The following AGFG1 variants were observed in gnomAD, a reference collection of about 807,000 sequenced individuals.
AGFG1 encodes the protein arf-GAP domain and FG repeat-containing protein 1.
AGFG1 carries 10 observed loss-of-function variants against 60.6 expected under a neutral mutation model. The observed-to-expected ratio is 0.16, with a 90% CI of 0.10 to 0.28. The LOEUF (loss-of-function observed/expected upper bound fraction) is 0.28, where lower values mean the gene tolerates loss of function less well. AGFG1 is among the 10% of genes least tolerant of loss of function. AGFG1 has a pLI of 1.00. For missense variants in AGFG1, 537 were observed against 676.5 expected (o/e 0.79, Z 2.29); for synonymous variants, 247 against 242.9 (o/e 1.02, Z -0.16).
At chr2:227,550,889 A>G (rs1692799080) in intron 10 of AGFG1, among the ~76,000 whole-genome samples, 1 of 152,218 alleles carries the variant, frequency 6.6e-6, no homozygotes, top group Non-Finnish European at 1.5e-5. Context: ...CATGCTAAGA[A>G]TATTTCATTA....
In AGFG1 at chr2:227,491,548, C is replaced by A; in HGVS notation, c.169C>A (p.Arg57=). 6.6e-7 allele frequency: 1 copy of A among 1,523,806 alleles called. No individual in the cohort carries two copies. The highest frequency in any genetic ancestry group is 2.4e-5 in the East Asian group (1 of 41,488). 94.4% of individuals were successfully genotyped at this position (1,523,806 alleles called of 1,614,324 possible). ...TTTGTAAAATATTTTATCTTTTAGG[C>A]GAGGATTAAATCCACCACACAGGGT... ...FVCTSCSGSL[R]GLNPPHRVKS... Residue 57 remains arginine, a splice_region_variant and synonymous_variant, in exon 2 of 13, where the codon CGA becomes AGA. Coordinates refer to ENST00000310078, the MANE Select transcript of AGFG1 (RefSeq NM_004504.5).
chr2:227,545,104 G>A (rs993704146), intron 10 of AGFG1, among the ~76,000 whole-genome samples: 1 of 152,136 alleles, frequency 6.6e-6, no homozygotes. Context: ...CCAATCAGAC[G>A]TAGATTTGGT....
At chr2:227,550,297 T>A (rs1406183367) in intron 10 of AGFG1, among the ~76,000 whole-genome samples, 1 of 152,240 alleles carries the variant, frequency 6.6e-6, no homozygotes, top group African/African-American at 2.4e-5. Context: ...TTTTAGTGAT[T>A]TATGTGTAAA....
At chr2:227,538,118 T>C (rs967425308) in intron 10 of AGFG1, among the ~76,000 whole-genome samples, 4 of 152,242 alleles carry the variant, frequency 2.6e-5, no homozygotes, top group South Asian at 2.1e-4. Context: ...GTGTGTGATA[T>C]GTGCAGTGTT....
At chr2:227,539,226 T>A (rs569167119) in intron 10 of AGFG1, among the ~76,000 whole-genome samples, 1 of 152,280 alleles carries the variant, frequency 6.6e-6, no homozygotes, top group East Asian at 1.9e-4. Flanking sequence ...GTGGATCACC[T>A]GAGGCCAAGA....
chr2:227,491,230 G>A (rs1487988377), intron 1 of AGFG1, among the ~76,000 whole-genome samples: 3 of 152,056 alleles, frequency 2.0e-5, no homozygotes, highest in East Asian at 1.9e-4. Context: ...TTCTTCATAT[G>A]TATAGTCTTT....
At chr2:227,475,864 A>G (rs1026010023) in intron 1 of AGFG1, among the ~76,000 whole-genome samples, 2 of 152,250 alleles carry the variant, frequency 1.3e-5, no homozygotes, top group Non-Finnish European at 2.9e-5. Flanking sequence ...AGTTACAAAT[A>G]TTGAAATAAG....
At chr2:227,523,727 AT>A (rs757531630) in intron 3 of AGFG1, 35 bp from the exon 4 acceptor site, 484 of 1,547,824 alleles carry the variant, frequency 3.1e-4, no homozygotes, top group South Asian at 6.4e-4. Context: ...AATTACCTAC[AT>A]TTTTTTTTAG....
intron 2 of AGFG1, among the ~76,000 whole-genome samples, chr2:227,492,812 GGT>G (rs1690858403): frequency 6.6e-6 from 1 of 152,002 alleles, no homozygotes; most frequent in Non-Finnish European, 1.5e-5. Context: ...TGGATGAAAA[GGT>G]AGGAGGCTTT....
chr2:227,520,573 G>A (rs1280696679), intron 3 of AGFG1, among the ~76,000 whole-genome samples: 1 of 152,112 alleles, frequency 6.6e-6, no homozygotes, highest in Non-Finnish European at 1.5e-5. Flanking sequence ...TAAGAAGGGA[G>A]CATTTACTTT....
At position 227,535,037 on chromosome 2, in the gene AGFG1, T is replaced by C. The variant is rs768852270; in HGVS notation, c.1205+12T>C. The stretch of plus-strand genomic sequence containing the variant: ...AGTAATGCTAGCAGGTACCTTGTCT[T>C]AGCTAGCCCTCCTGCTTTGTGTTTT... On this transcript the variant is annotated intron_variant, in intron 8 of 12. Transcript: ENST00000310078. 6.4e-7 allele frequency: 1 copy of C among 1,571,884 alleles called. No individual in the cohort carries two copies. The highest frequency in any genetic ancestry group is 1.2e-5 in the South Asian group (1 of 85,076).
At chr2:227,475,344 A>G (rs1210042393) in intron 1 of AGFG1, among the ~76,000 whole-genome samples, 2 of 152,182 alleles carry the variant, frequency 1.3e-5, no homozygotes, top group Non-Finnish European at 2.9e-5. Context: ...TCATGCCACA[A>G]CTGGACACAT....
rs986822467 is a variant in AGFG1 at position 227,554,753 on chromosome 2, A to G, written c.*258A>G. The stretch of plus-strand genomic sequence containing the variant: ...TGGCTAATATTAAGTTATTGCAGAT[A>G]CCACATTCATTATGCTGCAGTACTG... On this transcript the variant is annotated 3_prime_UTR_variant, in exon 13 of 13. Coordinates refer to ENST00000310078, the MANE Select transcript of AGFG1 (RefSeq NM_004504.5). 9 of 355,536 alleles carry G rather than the reference A, an allele frequency of 2.5e-5. No individual in the cohort carries two copies. Among genetic ancestry groups the G allele is most frequent in the Non-Finnish European group, 4.6e-5 (9 of 196,190 alleles). The allele number at this position is 355,536 out of a possible 1,614,324, so 22.0% of individuals were successfully genotyped here. A position where few individuals can be genotyped will look rare whatever the true frequency, so the allele number is the denominator to read the frequency against.
chr2:227,478,727 C>T (rs1160012538), intron 1 of AGFG1, among the ~76,000 whole-genome samples: 1 of 152,150 alleles, frequency 6.6e-6, no homozygotes, highest in Non-Finnish European at 1.5e-5. Context: ...TCTTTGTCCC[C>T]TAATATAACC....
chr2:227,523,697 C>G, intron 3 of AGFG1, 66 bp from the exon 4 acceptor site: 1 of 1,450,334 alleles, frequency 6.9e-7, no homozygotes, highest in Non-Finnish European at 9.5e-7. Context: ...TAGAATTAAG[C>G]TTATCATTTT....
intron 2 of AGFG1, among the ~76,000 whole-genome samples, chr2:227,493,253 C>T (rs1456426217): frequency 6.6e-6 from 1 of 152,032 alleles, no homozygotes; most frequent in Non-Finnish European, 1.5e-5. Context: ...TGCTGTATAG[C>T]AGATCTCTAG....
intron 5 of AGFG1, among the ~76,000 whole-genome samples, chr2:227,529,330 CTTG>C (rs1341188782): frequency 5.9e-5 from 9 of 151,990 alleles, no homozygotes; most frequent in Non-Finnish European, 8.8e-5. Context: ...TCCTGATATT[CTTG>C]TTAATTTTAA....
intron 2 of AGFG1, among the ~76,000 whole-genome samples, chr2:227,518,750 T>C (rs1691733665): frequency 1.3e-5 from 2 of 152,114 alleles, no homozygotes; most frequent in Admixed American, 1.3e-4. Flanking sequence ...AGTCCCGAAC[T>C]CCTGACCTCA....
At chr2:227,488,494 T>G (rs1305488380) in intron 1 of AGFG1, among the ~76,000 whole-genome samples, 1 of 152,250 alleles carries the variant, frequency 6.6e-6, no homozygotes, top group Admixed American at 6.5e-5. Flanking sequence ...TCCTTTGCCT[T>G]TTCCATTTTT....
Sources: allele counts gnomAD v4.1 joint callset (sites outside exome capture counted in the v4.1 genomes callset), GRCh38; gene constraint gnomAD v4.1.1; transcripts MANE v1.5; gene names NCBI Gene and HGNC (gene_info 2026-07-23, HGNC 2026-07-21).